The following APIP variants were observed in gnomAD, a reference collection of about 807,000 sequenced individuals.
The protein encoded by APIP is methylthioribulose-1-phosphate dehydratase.
Under a neutral mutation model 32.0 loss-of-function variants are expected in APIP, and 32 were observed. That is an observed-to-expected ratio of 1.00 (90% CI 0.76 to 1.34). APIP has a LOEUF of 1.34. Ranked by LOEUF, APIP falls within the 40% of genes most tolerant of loss-of-function variation. APIP has a pLI of 0.00. For missense variants in APIP, 247 were observed against 298.6 expected (o/e 0.83, Z 1.27); for synonymous variants, 92 against 94.8 (o/e 0.97, Z 0.17).
intron 6 of APIP, among the ~76,000 whole-genome samples, 156 bp from the exon 7 acceptor site, chr11:34,882,972 T>G (rs915685693): frequency 6.6e-6 from 1 of 152,220 alleles, no homozygotes; most frequent in East Asian, 1.9e-4. Flanking sequence ...TCCCTCAACA[T>G]TTTTAAAACA....
rs1277975539 is a variant in APIP at position 34,883,257 on chromosome 11, T to A, written c.629+80A>T. 3 of 1,394,422 alleles carry A rather than the reference T, an allele frequency of 2.2e-6. No individual in the cohort carries two copies. The Admixed American group carries it at 7.1e-5, about 33-fold the overall frequency. 86.4% of individuals were successfully genotyped at this position (1,394,422 alleles called of 1,614,324 possible). ...CAAATAATGATAAACAATTTAAATT[T>A]AAACCAACTGACATACTTTGTTTTC... On this transcript the variant is annotated intron_variant, in intron 6 of 6. Transcript: ENST00000395787.
At chr11:34,889,201 C>G (rs1250750827) in intron 3 of APIP, among the ~76,000 whole-genome samples, 1 of 151,932 alleles carries the variant, frequency 6.6e-6, no homozygotes, top group Non-Finnish European at 1.5e-5. Flanking sequence ...TGGAAAATTA[C>G]TATTTATGTA....
At chr11:34,903,932 G>A (rs1025855383) in intron 1 of APIP, among the ~76,000 whole-genome samples, 29 of 152,148 alleles carry the variant, frequency 1.9e-4, no homozygotes, top group African/African-American at 5.8e-4. Flanking sequence ...ACTTATCAAC[G>A]TGCCCAGAGA....
intron 1 of APIP, among the ~76,000 whole-genome samples, chr11:34,901,630 G>T (rs7929220): frequency 7.9e-5 from 12 of 152,054 alleles, no homozygotes; most frequent in Non-Finnish European, 1.6e-4. Flanking sequence ...CTGCAGATGG[G>T]GGGACCTACT....
chr11:34,899,329 A>G (rs986426576), intron 1 of APIP, among the ~76,000 whole-genome samples: 1 of 152,170 alleles, frequency 6.6e-6, no homozygotes, highest in African/African-American at 2.4e-5. Context: ...TTCTGCTTTC[A>G]ACAGATAGGA....
At chr11:34,900,484 T>TTA (rs1372760159) in intron 1 of APIP, among the ~76,000 whole-genome samples, 1 of 152,114 alleles carries the variant, frequency 6.6e-6, no homozygotes, top group African/African-American at 2.4e-5. Context: ...AAAGGGAGAC[T>TTA]TAGGCCGATT....
chr11:34,886,606 T>C (rs1220965725), intron 5 of APIP, among the ~76,000 whole-genome samples: 1 of 152,244 alleles, frequency 6.6e-6, no homozygotes, highest in African/African-American at 2.4e-5. Context: ...CACTCACTTA[T>C]TCACCCAGAA....
chr11:34,909,875 G>C (rs1458354423), intron 1 of APIP, among the ~76,000 whole-genome samples: 2 of 152,274 alleles, frequency 1.3e-5, no homozygotes, highest in East Asian at 3.9e-4. Flanking sequence ...AATGAGAGAA[G>C]CTGGGTTCAC....
intron 3 of APIP, among the ~76,000 whole-genome samples, chr11:34,889,717 A>G (rs1227856887): frequency 2.0e-5 from 3 of 152,100 alleles, no homozygotes; most frequent in African/African-American, 7.2e-5. Flanking sequence ...CTCCCACTGT[A>G]AGTGAGAACA....
In APIP at chr11:34,885,867, G is replaced by A. The variant is rs115311888; in HGVS notation, c.462-2363C>T. On this transcript the variant is annotated intron_variant, in intron 5 of 6. Coordinates refer to ENST00000395787, the MANE Select transcript of APIP (RefSeq NM_015957.4). ...CAACAACTCCTATCGCCTAATGACC[G>A]CATAGCTGTCATAGGGTCACAGCAC... Among the ~76,000 whole-genome samples, 860 of 152,164 alleles carry A rather than the reference G, an allele frequency of 5.7e-3. 8 individuals carry two copies. The highest frequency in any genetic ancestry group is 0.018 in the African/African-American group (737 of 41,502).
intron 1 of APIP, among the ~76,000 whole-genome samples, chr11:34,913,538 G>A (rs1853592845): frequency 1.3e-5 from 2 of 152,150 alleles, no homozygotes. Context: ...GTGGGTTCAT[G>A]GTCTCGCTGA....
At chr11:34,897,160 C>T (rs1401526371) in intron 1 of APIP, among the ~76,000 whole-genome samples, 1 of 152,168 alleles carries the variant, frequency 6.6e-6, no homozygotes, top group Non-Finnish European at 1.5e-5. Flanking sequence ...GTTCTACTTA[C>T]TCATTTTAAG....
intron 1 of APIP, chr11:34,896,669 TA>T: frequency 3.7e-6 from 3 of 810,760 alleles, no homozygotes; most frequent in Non-Finnish European, 5.3e-6. Flanking sequence ...CGTGTATACC[TA>T]AGTAACAAAC....
chr11:34,892,136 T>TAGA (rs1370528018), intron 2 of APIP, among the ~76,000 whole-genome samples: 1 of 152,158 alleles, frequency 6.6e-6, no homozygotes, highest in Non-Finnish European at 1.5e-5. Context: ...TTTGGGTAAT[T>TAGA]AAAAGATTAG....
chr11:34,899,526 A>G (rs989723200), intron 1 of APIP, among the ~76,000 whole-genome samples: 6 of 152,232 alleles, frequency 3.9e-5, no homozygotes, highest in Admixed American at 3.3e-4. Flanking sequence ...ATGCTTTAGC[A>G]TGGGCCATAA....
At chr11:34,896,182 G>A (rs1442516257) in intron 1 of APIP, among the ~76,000 whole-genome samples, 1 of 152,198 alleles carries the variant, frequency 6.6e-6, no homozygotes, top group Non-Finnish European at 1.5e-5. Flanking sequence ...CATTGTGGAA[G>A]ACAGTGTGGC....
intron 1 of APIP, among the ~76,000 whole-genome samples, chr11:34,913,765 T>C (rs1184012275): frequency 2.0e-5 from 3 of 152,164 alleles, no homozygotes; most frequent in African/African-American, 7.2e-5. Context: ...GATTGGTCCA[T>C]TTTACAAAGA....
intron 1 of APIP, chr11:34,896,764 G>C (rs1328856783): frequency 3.9e-6 from 5 of 1,278,038 alleles, no homozygotes; most frequent in Non-Finnish European, 5.1e-6. Context: ...AGACTACCTG[G>C]GAGAGAAGTG....
intron 1 of APIP, among the ~76,000 whole-genome samples, chr11:34,895,757 CAGAT>C (rs140839): frequency 6.6e-6 from 1 of 151,650 alleles, no homozygotes; most frequent in Non-Finnish European, 1.5e-5. Flanking sequence ...TGTATACAGA[CAGAT>C]AAATATCAAG....
Sources: gnomAD v4.1 joint callset for allele counts (sites outside exome capture counted in the v4.1 genomes callset) on GRCh38, gnomAD v4.1.1 for gene constraint, MANE v1.5 for transcripts, NCBI Gene and HGNC (gene_info 2026-07-23, HGNC 2026-07-21) for gene names.